The following DOCK4 variants were observed in gnomAD, a reference collection of about 807,000 sequenced individuals.
DOCK4 encodes the protein dedicator of cytokinesis 4.
A neutral mutation model predicts 268.1 loss-of-function variants in DOCK4; 97 were observed. The observed-to-expected ratio is 0.36, with a 90% CI of 0.31 to 0.43. The LOEUF (loss-of-function observed/expected upper bound fraction) is 0.43, where lower values mean the gene tolerates loss of function less well. Ranked by LOEUF, DOCK4 falls within the 20% of genes least tolerant of loss-of-function variation. DOCK4 has a pLI of 1.00. For synonymous variants in DOCK4, 954 were observed against 887.2 expected (o/e 1.08, Z -1.34); for missense variants, 2,145 against 2,455.7 (o/e 0.87, Z 2.67).
At chr7:112,003,193 C>G (rs1800580109) in intron 2 of DOCK4, among the ~76,000 whole-genome samples, 1 of 151,880 alleles carries the variant, frequency 6.6e-6, no homozygotes, top group Admixed American at 6.6e-5. Context: ...CGAGCATGGG[C>G]AATATGGTGA....
intron 17 of DOCK4, among the ~76,000 whole-genome samples, chr7:111,873,546 A>G (rs1208130884): frequency 6.6e-6 from 1 of 152,206 alleles, no homozygotes; most frequent in African/African-American, 2.4e-5. Flanking sequence ...GAAGCAGGAA[A>G]TTTACTTCAA....
At chr7:111,982,443 A>T (rs1344884099) in intron 7 of DOCK4, among the ~76,000 whole-genome samples, 1 of 152,252 alleles carries the variant, frequency 6.6e-6, no homozygotes, top group Non-Finnish European at 1.5e-5. Context: ...ATGAATAAAG[A>T]TAAGAAAGGA....
At chr7:112,174,057 C>T (rs561977500) in intron 1 of DOCK4, among the ~76,000 whole-genome samples, 2 of 151,686 alleles carry the variant, frequency 1.3e-5, no homozygotes, top group Non-Finnish European at 2.9e-5. Context: ...CACCAATTCC[C>T]TCCTGAGTCT....
At chr7:112,140,130 C>T (rs1235524890) in intron 1 of DOCK4, among the ~76,000 whole-genome samples, 3 of 152,126 alleles carry the variant, frequency 2.0e-5, no homozygotes, top group East Asian at 1.9e-4. Context: ...CAAAAGTTTG[C>T]GATCTAGTCC....
At chr7:111,920,900 A>G (rs1008238020) in intron 12 of DOCK4, among the ~76,000 whole-genome samples, 7 of 152,138 alleles carry the variant, frequency 4.6e-5, no homozygotes, top group Non-Finnish European at 8.8e-5. Context: ...GAAATTTTTT[A>G]TTGGAATTTA....
At chr7:112,168,605 T>C (rs1817810109) in intron 1 of DOCK4, among the ~76,000 whole-genome samples, 1 of 152,112 alleles carries the variant, frequency 6.6e-6, no homozygotes, top group Non-Finnish European at 1.5e-5. Context: ...CCTGGGAACC[T>C]GAGGTAAGAA....
At chr7:111,865,489 G>C (rs756945274) in intron 22 of DOCK4, among the ~76,000 whole-genome samples, 3 of 152,208 alleles carry the variant, frequency 2.0e-5, no homozygotes, top group Non-Finnish European at 4.4e-5. Context: ...TGCCTATAAG[G>C]CAGCCTAATA....
intron 47 of DOCK4, 58 bp from the exon 48 acceptor site, chr7:111,739,535 A>C: frequency 7.2e-7 from 1 of 1,388,420 alleles, no homozygotes; most frequent in Non-Finnish European, 9.9e-7. Flanking sequence ...CACGACACTG[A>C]CGTATTTGAA....
At position 111,944,791 on chromosome 7, in the gene DOCK4, C is replaced by T. The variant is rs1453395846; in HGVS notation, c.844+20G>A. The T allele has an allele frequency of 1.2e-6, 2 of 1,611,856 alleles. No homozygotes were observed. The highest frequency in any genetic ancestry group is 1.7e-6 in the Non-Finnish European group (2 of 1,178,026). On this transcript the variant is annotated intron_variant, in intron 10 of 52. Transcript: ENST00000428084. ...CTCTCTGTTCCTTGCCCCTACTGCA[C>T]TGACAAGTGTTATACCTACCGATTC...
At chr7:111,938,946 C>T (rs1439169537) in intron 11 of DOCK4, among the ~76,000 whole-genome samples, 7 of 147,654 alleles carry the variant, frequency 4.7e-5, no homozygotes, top group African/African-American at 1.8e-4. Flanking sequence ...TACACTCCAG[C>T]CTGGGTGACA....
chr7:112,114,829 C>T (rs1811978708), intron 1 of DOCK4, among the ~76,000 whole-genome samples: 1 of 152,144 alleles, frequency 6.6e-6, no homozygotes, highest in Non-Finnish European at 1.5e-5. Context: ...GAAGTTTTCC[C>T]AGCATTGCTT....
chr7:111,778,419 C>T, intron 35 of DOCK4, 50 bp from the exon 36 acceptor site: 1 of 1,201,448 alleles, frequency 8.3e-7, no homozygotes, highest in Non-Finnish European at 1.2e-6. Context: ...ATCTGGCCTA[C>T]AATTATCTGC....
intron 1 of DOCK4, among the ~76,000 whole-genome samples, chr7:112,019,861 A>C (rs1445531726): frequency 1.3e-5 from 2 of 152,232 alleles, no homozygotes; most frequent in Non-Finnish European, 2.9e-5. Flanking sequence ...GTCTTTAAAA[A>C]AAATTCTGCA....
intron 1 of DOCK4, among the ~76,000 whole-genome samples, chr7:112,107,375 A>G (rs1446874581): frequency 6.6e-6 from 1 of 152,204 alleles, no homozygotes; most frequent in Non-Finnish European, 1.5e-5. Flanking sequence ...TCCTTCTAAG[A>G]AGAGGAAAAG....
chr7:112,096,356 A>G (rs1196622700), intron 1 of DOCK4, among the ~76,000 whole-genome samples: 1 of 151,564 alleles, frequency 6.6e-6, no homozygotes, highest in African/African-American at 2.4e-5. Context: ...TTTATTTTTT[A>G]CTTTTTGGTA....
chr7:111,734,704 T>G (rs531374941), intron 51 of DOCK4, among the ~76,000 whole-genome samples: 4 of 152,184 alleles, frequency 2.6e-5, no homozygotes, highest in Non-Finnish European at 5.9e-5. Flanking sequence ...CTGAAGAAAG[T>G]AGCTGAGTTA....
At chr7:111,814,729 A>T (rs1282894274) in intron 27 of DOCK4, among the ~76,000 whole-genome samples, 3 of 152,152 alleles carry the variant, frequency 2.0e-5, no homozygotes, top group African/African-American at 7.2e-5. Flanking sequence ...GACGATTTGT[A>T]TGGGGCTTGC....
chr7:112,039,454 G>A lies in DOCK4; in HGVS notation c.38-35323C>T, dbSNP rs1480713352. On this transcript the variant is annotated intron_variant, in intron 1 of 52. Transcript: ENST00000428084. ...TTTTCCCTTAAGTAATTGCCTACTT[G>A]AAGTCTTCTGTTTTTTTGTTGTTGC... Among the ~76,000 whole-genome samples the A allele has an allele frequency of 3.5e-5, 5 of 143,420 alleles. No individual in the cohort carries two copies. In the South Asian group the frequency reaches 1.1e-3, roughly 31 times the overall value. The allele number at this position is 143,420 out of a possible 152,430, so 94.1% of individuals were successfully genotyped here. A position where few individuals can be genotyped will look rare whatever the true frequency, so the allele number is the denominator to read the frequency against.
intron 13 of DOCK4, among the ~76,000 whole-genome samples, chr7:111,905,875 G>A (rs1438648955): frequency 2.0e-5 from 3 of 152,154 alleles, no homozygotes; most frequent in Non-Finnish European, 4.4e-5. Context: ...GATGGCAGTA[G>A]TAACAGTCCT....
Sources: gnomAD v4.1 joint callset for allele counts (sites outside exome capture counted in the v4.1 genomes callset) on GRCh38, gnomAD v4.1.1 for gene constraint, MANE v1.5 for transcripts, NCBI Gene and HGNC (gene_info 2026-07-23, HGNC 2026-07-21) for gene names.